PAK4: variants seen among roughly 807,000 people sequenced by gnomAD.
PAK4 encodes serine/threonine-protein kinase PAK 4.
A neutral mutation model predicts 53.5 loss-of-function variants in PAK4; 49 were observed. The observed-to-expected ratio is 0.92, with a 90% CI of 0.73 to 1.16. PAK4 has a LOEUF of 1.16. Among genes scored for constraint, PAK4 ranks in the 50% most tolerant of loss-of-function variants. The pLI, the probability that PAK4 is intolerant of heterozygous loss-of-function variation, is 0.00. For synonymous variants in PAK4, 376 were observed against 375.6 expected (o/e 1.00, Z -0.01); for missense variants, 824 against 850.7 (o/e 0.97, Z 0.39).
chr19:39,178,365 C>T lies in PAK4; in HGVS notation c.1621-59C>T. ...ACTTGGCAGAGGCGGACACTGCAGC[C>T]CTACAGCAAATGAACAGTGGGGAGC... On this transcript the variant is annotated intron_variant, in intron 8 of 8. Transcript: ENST00000358301. This position sits in a 1 kb window ranked among gnomAD's most constrained non-coding sequence, Gnocchi z 4.4. The T allele has an allele frequency of 6.5e-7, 1 of 1,536,560 alleles. No homozygotes were observed. Among genetic ancestry groups the T allele is most frequent in the Non-Finnish European group, 8.8e-7 (1 of 1,138,854 alleles).
chr19:39,132,549 C>T (rs1303011168), intron 1 of PAK4, among the ~76,000 whole-genome samples: 1 of 152,276 alleles, frequency 6.6e-6, no homozygotes, highest in Non-Finnish European at 1.5e-5. Flanking sequence ...ACGCGTGCCC[C>T]CACGGACAGC....
chr19:39,179,131 G>T (rs2074671438), exon 9 of PAK4: 2 of 151,910 alleles, frequency 1.3e-5, no homozygotes, highest in African/African-American at 2.4e-5. Context: ...GTGGCTGGAT[G>T]GGGAGACAGG....
intron 2 of PAK4, 46 bp downstream of exon 3, chr19:39,169,803 G>A (rs761093532): frequency 1.1e-5 from 12 of 1,056,446 alleles, no homozygotes; most frequent in African/African-American, 7.3e-5. Context: ...CCCAACCCCC[G>A]AGTGGCCCTG....
At chr19:39,135,081 G>C (rs1377247112) in intron 1 of PAK4, 2 of 152,220 alleles carry the variant, frequency 1.3e-5, no homozygotes, top group African/African-American at 4.8e-5. Context: ...AGCCTCCCAA[G>C]GTGGTCAAAT....
At chr19:39,143,062 C>T (rs35163943) in intron 1 of PAK4, among the ~76,000 whole-genome samples, 36,841 of 151,778 alleles carry the variant, frequency 0.24, 4,928 homozygotes, top group East Asian at 0.49. Context: ...TTTGCTCAGA[C>T]GCCACCCCTT....
intron 1 of PAK4, among the ~76,000 whole-genome samples, chr19:39,144,454 CG>C (rs1269173071): frequency 6.6e-6 from 1 of 152,194 alleles, no homozygotes; most frequent in Non-Finnish European, 1.5e-5. Context: ...CCGTCCCTGC[CG>C]GGGGGATGCT....
intron 1 of PAK4, among the ~76,000 whole-genome samples, chr19:39,132,288 CAAA>C (rs1312048741): frequency 6.6e-6 from 1 of 152,220 alleles, no homozygotes; most frequent in Non-Finnish European, 1.5e-5. Context: ...GCACACAGCA[CAAA>C]AGGATGTACA....
At chr19:39,169,963 C>T (rs1190598625) in intron 2 of PAK4, among the ~76,000 whole-genome samples, 5 of 112,722 alleles carry the variant, frequency 4.4e-5, no homozygotes, top group Non-Finnish European at 8.1e-5. Flanking sequence ...CCCATGCCAC[C>T]CCAACCTGAG....
intron 4 of PAK4, 41 bp downstream of exon 5, chr19:39,174,051 C>CCCCTCCCTCCCA (rs777917441): frequency 1.6e-6 from 2 of 1,261,416 alleles, no homozygotes; most frequent in East Asian, 2.6e-5. Context: ...GGTCCTCCCA[C>CCCCTCCCTCCCA]CCCTCCCTCC....
At chr19:39,150,953 G>GC (rs2074084540) in intron 1 of PAK4, among the ~76,000 whole-genome samples, 2 of 152,048 alleles carry the variant, frequency 1.3e-5, no homozygotes, top group African/African-American at 4.8e-5. Flanking sequence ...CTGCACTTCT[G>GC]CCCCCGCACA....
In PAK4 at chr19:39,178,323, G is replaced by C; in HGVS notation, c.1621-101G>C. The C allele has an allele frequency of 7.5e-7, 1 of 1,335,880 alleles. No homozygotes were observed. The highest frequency in any genetic ancestry group is 1.4e-5 in the South Asian group (1 of 74,038). 82.8% of individuals were successfully genotyped at this position (1,335,880 alleles called of 1,614,324 possible). On this transcript the variant is annotated intron_variant, in intron 8 of 8. Transcript: ENST00000358301. This position sits in a 1 kb window ranked among gnomAD's most constrained non-coding sequence, Gnocchi z 4.4. ...CCTCCGCCCCCTGCCCTCCTGCACA[G>C]TACATGCCGCCAGCCGACTTGGCAG...
intron 4 of PAK4, 109 bp downstream of exon 5, chr19:39,174,119 C>T (rs2074553360): frequency 2.7e-6 from 2 of 728,364 alleles, no homozygotes; most frequent in Admixed American, 2.4e-5. Context: ...GGCCAGGCTC[C>T]CCTCCTCCCC....
chr19:39,144,760 G>T lies in PAK4; in HGVS notation c.-23+18841G>T, dbSNP rs545000974. The stretch of plus-strand genomic sequence containing the variant: ...GTTATGGTGGAAGTTAACAGCTTTG[G>T]GAAGTGTGCATGTGTGTGAGTGTGT... On this transcript the variant is annotated intron_variant, in intron 1 of 8. Coordinates refer to ENST00000358301, the Ensembl canonical transcript of PAK4. Among the ~76,000 whole-genome samples, 12 of 150,090 alleles carry T rather than the reference G, an allele frequency of 8.0e-5. No homozygotes were observed. The South Asian group carries it at 1.1e-3, about 14-fold the overall frequency.
intron 1 of PAK4, among the ~76,000 whole-genome samples, chr19:39,155,559 G>A (rs927625779): frequency 6.6e-6 from 1 of 152,204 alleles, no homozygotes; most frequent in African/African-American, 2.4e-5. Flanking sequence ...GTGTTCACAG[G>A]AGAAACAGTT....
intron 1 of PAK4, among the ~76,000 whole-genome samples, chr19:39,162,523 C>T (rs1007516593): frequency 2.0e-5 from 3 of 152,196 alleles, no homozygotes; most frequent in African/African-American, 7.2e-5. Flanking sequence ...CCTCCTTGGC[C>T]TCCCAAAGTG....
At chr19:39,174,162 G>A (rs886545624) in intron 4 of PAK4, 152 bp downstream of exon 5, 16 of 626,356 alleles carry the variant, frequency 2.6e-5, no homozygotes, top group Non-Finnish European at 4.2e-5. Context: ...CGTCTCGTCC[G>A]CCCCAGCTGG....
rs1465238007 is a variant in PAK4 at position 39,177,846 on chromosome 19, T to G, written c.1620+37T>G. ...CCTGGCTGGGAAACTGTGCGCCAGCTGGCGGGTGGCAGGGCTCCAGGTGGA... is the reference window on the plus strand; with the variant it reads ...CCTGGCTGGGAAACTGTGCGCCAGCGGGCGGGTGGCAGGGCTCCAGGTGGA... On this transcript the variant is annotated intron_variant, in intron 8 of 8. Transcript: ENST00000358301. 4 of 1,582,412 alleles carry G rather than the reference T, an allele frequency of 2.5e-6. No individual in the cohort carries two copies. The East Asian group carries it at 6.8e-5, about 27-fold the overall frequency.
At chr19:39,130,126 G>GT (rs2073673613) in intron 1 of PAK4, among the ~76,000 whole-genome samples, 1 of 149,348 alleles carries the variant, frequency 6.7e-6, no homozygotes, top group African/African-American at 2.5e-5. Context: ...AGGGCGGGAT[G>GT]TGGGGGGGAC....
intron 1 of PAK4, among the ~76,000 whole-genome samples, chr19:39,143,834 T>C (rs11666238): frequency 0.27 from 41,359 of 151,342 alleles, 6,579 homozygotes; most frequent in East Asian, 0.37. Flanking sequence ...TAAAAGGGCG[T>C]GGTGGCATGT....
Sources: gnomAD v4.1 joint callset for allele counts (sites outside exome capture counted in the v4.1 genomes callset) on GRCh38, gnomAD v4.1.1 for gene constraint, Gnocchi (gnomAD v3.1) non-coding constraint, MANE v1.5 for transcripts, NCBI Gene and HGNC (gene_info 2026-07-23, HGNC 2026-07-21) for gene names.